Variants in SOX5 observed in about 807,000 individuals in gnomAD.
The protein encoded by SOX5 is transcription factor SOX-5.
A neutral mutation model predicts 92.0 loss-of-function variants in SOX5; 9 were observed. The ratio of observed to expected loss-of-function variants is 0.10; its 90% CI spans 0.06 to 0.17. SOX5 has a LOEUF of 0.17. Among genes scored for constraint, SOX5 ranks in the 10% least tolerant of loss-of-function variants. The pLI, the probability that SOX5 is intolerant of heterozygous loss-of-function variation, is 1.00. For missense variants in SOX5, 642 were observed against 944.5 expected (o/e 0.68, Z 4.20); for synonymous variants, 344 against 336.3 (o/e 1.02, Z -0.25).
intron 4 of SOX5, among the ~76,000 whole-genome samples, chr12:24,022,103 A>G (rs1236642848): frequency 6.6e-6 from 1 of 152,200 alleles, no homozygotes; most frequent in African/African-American, 2.4e-5. Flanking sequence ...TGGTCTTTAC[A>G]GTTCAGTCAG....
chr12:23,665,209 C>T (rs1338551948), intron 7 of SOX5, among the ~76,000 whole-genome samples: 1 of 152,122 alleles, frequency 6.6e-6, no homozygotes, highest in Non-Finnish European at 1.5e-5. Context: ...ATTAACAATA[C>T]ACTGTAAATC....
intron 2 of SOX5, among the ~76,000 whole-genome samples, chr12:23,873,142 TAA>T (rs2096892457): frequency 6.6e-6 from 1 of 152,232 alleles, no homozygotes; most frequent in Admixed American, 6.5e-5. Flanking sequence ...AACTCAGGCT[TAA>T]CATTAGAGTT....
At chr12:24,516,393 A>T (rs772199869) in intron 1 of SOX5, among the ~76,000 whole-genome samples, 3 of 152,120 alleles carry the variant, frequency 2.0e-5, no homozygotes, top group African/African-American at 7.2e-5. Flanking sequence ...ATCACAGTAG[A>T]TTTTTGAGGG....
chr12:24,257,508 G>A (rs759503724), intron 3 of SOX5, among the ~76,000 whole-genome samples: 33 of 151,668 alleles, frequency 2.2e-4, no homozygotes, highest in Admixed American at 3.9e-4. Context: ...TTGCTCTGTC[G>A]CCCACGCTGG....
chr12:23,969,811 A>C (rs1307388443), intron 4 of SOX5, among the ~76,000 whole-genome samples: 1 of 152,244 alleles, frequency 6.6e-6, no homozygotes, highest in Admixed American at 6.5e-5. Flanking sequence ...AGATCAGACT[A>C]TAGCATCAGG....
chr12:24,087,501 T>G (rs1213688215), intron 4 of SOX5, among the ~76,000 whole-genome samples: 1 of 152,108 alleles, frequency 6.6e-6, no homozygotes, highest in Non-Finnish European at 1.5e-5. Flanking sequence ...CAGATTTACT[T>G]GGTTACCAAG....
intron 4 of SOX5, among the ~76,000 whole-genome samples, chr12:24,070,052 AT>A: frequency 6.6e-6 from 1 of 152,080 alleles, no homozygotes; most frequent in East Asian, 1.9e-4. Context: ...AAACATACTG[AT>A]CCCTCTCACA....
At chr12:23,979,156 T>A (rs1261092599) in intron 4 of SOX5, among the ~76,000 whole-genome samples, 2 of 152,212 alleles carry the variant, frequency 1.3e-5, no homozygotes, top group African/African-American at 2.4e-5. Flanking sequence ...ATTGTTTGGT[T>A]GCTTTATTTA....
intron 1 of SOX5, among the ~76,000 whole-genome samples, chr12:24,501,717 C>A (rs946988252): frequency 2.1e-4 from 32 of 151,996 alleles, no homozygotes; most frequent in African/African-American, 7.5e-4. Context: ...GCCCCAGTTA[C>A]TTGGAGGACT....
intron 2 of SOX5, among the ~76,000 whole-genome samples, chr12:24,329,948 G>A (rs536882344): frequency 3.0e-4 from 45 of 152,260 alleles, no homozygotes; most frequent in African/African-American, 9.6e-4. Context: ...ACTTGAACCC[G>A]GGAGGCGGAG....
chr12:23,712,692 AT>A (rs2092163057), intron 6 of SOX5, among the ~76,000 whole-genome samples: 2 of 152,224 alleles, frequency 1.3e-5, no homozygotes, highest in Non-Finnish European at 2.9e-5. Context: ...TATAGACTAT[AT>A]CATTCAATAA....
At position 24,075,233 on chromosome 12, in the gene SOX5, C is replaced by T. The variant is rs116178611; in HGVS notation, c.-2+138110G>A. ...TCAGTGAGCTATGATACCATCACTG[C>T]ACTCCAGCCTGGGGCAAGAGAGTAA... On this transcript the variant is annotated intron_variant, in intron 4 of 4. Coordinates refer to the SOX5 transcript ENST00000446891. Among the ~76,000 whole-genome samples, 1,258 of 142,660 alleles carry T rather than the reference C, an allele frequency of 8.8e-3. 20 individuals are homozygous for T. The highest frequency in any genetic ancestry group is 0.031 in the African/African-American group (1,176 of 38,498). The allele number at this position is 142,660 out of a possible 152,430, so 93.6% of individuals were successfully genotyped here.
At chr12:23,587,351 T>A (rs1346877040) in intron 9 of SOX5, among the ~76,000 whole-genome samples, 1 of 152,124 alleles carries the variant, frequency 6.6e-6, no homozygotes, top group Non-Finnish European at 1.5e-5. Context: ...AAAAATTTGC[T>A]AACAGTCATA....
In SOX5 at chr12:24,556,698, C is replaced by G. The variant is rs113930711; in HGVS notation, c.-251+5631G>C. ...GTCCTAAAGTTTTTATTTATCCTTA[C>G]CTATTATGTAGGGTAAAAATGTTAA... On this transcript the variant is annotated intron_variant, in intron 1 of 4. Transcript: ENST00000446891. Among the ~76,000 whole-genome samples the G allele has an allele frequency of 3.9e-5, 6 of 152,290 alleles. 1 individual carries two copies. Among genetic ancestry groups the G allele is most frequent in the African/African-American group, 1.4e-4 (6 of 41,552 alleles).
chr12:24,165,493 A>G (rs1429765695), intron 4 of SOX5, among the ~76,000 whole-genome samples: 5 of 152,204 alleles, frequency 3.3e-5, no homozygotes, highest in African/African-American at 7.2e-5. Flanking sequence ...TAGAAATTCA[A>G]TGCCCTCATT....
chr12:24,141,081 A>C (rs1372714958), intron 4 of SOX5, among the ~76,000 whole-genome samples: 1 of 152,172 alleles, frequency 6.6e-6, no homozygotes, highest in Non-Finnish European at 1.5e-5. Context: ...AAACCATTAG[A>C]ACATTCTCAG....
chr12:23,951,251 C>G (rs1945585569), upstream of SOX5, among the ~76,000 whole-genome samples: 1 of 151,922 alleles, frequency 6.6e-6, no homozygotes, highest in Non-Finnish European at 1.5e-5. Flanking sequence ...CAGCCAATGT[C>G]CAGGCTGGCA....
chr12:23,598,247 G>A (rs1237072844), intron 9 of SOX5, among the ~76,000 whole-genome samples: 2 of 152,192 alleles, frequency 1.3e-5, no homozygotes, highest in East Asian at 3.9e-4. Context: ...CAGATGAAAT[G>A]TGAAAACTAT....
chr12:24,430,761 T>C (rs1215517676), intron 1 of SOX5, among the ~76,000 whole-genome samples: 1 of 152,094 alleles, frequency 6.6e-6, no homozygotes, highest in Non-Finnish European at 1.5e-5. Context: ...TAAATAAAAG[T>C]TTGTACATTT....
Sources: gnomAD v4.1 joint callset for allele counts (sites outside exome capture counted in the v4.1 genomes callset) on GRCh38, gnomAD v4.1.1 for gene constraint, MANE v1.5 for transcripts, NCBI Gene and HGNC (gene_info 2026-07-23, HGNC 2026-07-21) for gene names.